COL6A5: variants seen among roughly 807,000 people sequenced by gnomAD.
COL6A5 encodes the protein collagen alpha-5(VI) chain.
Under a neutral mutation model 65.6 loss-of-function variants are expected in COL6A5, and 48 were observed. The ratio of observed to expected loss-of-function variants is 0.73; its 90% CI spans 0.58 to 0.93. COL6A5 has a LOEUF of 0.93. Ranked by LOEUF, COL6A5 falls within the 40% of genes least tolerant of loss-of-function variation. The pLI, the probability that COL6A5 is intolerant of heterozygous loss-of-function variation, is 0.00. For synonymous variants in COL6A5, 291 were observed against 322.8 expected (o/e 0.90, Z 1.05); for missense variants, 914 against 928.3 (o/e 0.98, Z 0.20).
At chr3:130,395,522 A>G in intron 8 of COL6A5, 57 bp downstream of exon 8, 1 of 1,315,324 alleles carries the variant, frequency 7.6e-7, no homozygotes, top group East Asian at 2.5e-5. Flanking sequence ...TCCATTTCCC[A>G]AGAGTGTCTT....
exon 7 of COL6A5, chr3:130,391,484 C>T (rs1284927181): frequency 6.4e-7 from 1 of 1,551,614 alleles, no homozygotes; most frequent in Non-Finnish European, 8.7e-7. Context: ...TACAGAGGAA[C>T]ATGGCAGCCG....
chr3:130,431,847 CAGT>C, exon 1 of COL6A5: 1 of 1,551,634 alleles, frequency 6.4e-7, no homozygotes, highest in South Asian at 1.2e-5. Flanking sequence ...GTCAAACAGC[CAGT>C]AGGTCATCCA....
chr3:130,414,447 C>T lies in COL6A5; in HGVS notation c.4761+316C>T, dbSNP rs73868770. Among the ~76,000 whole-genome samples the T allele has an allele frequency of 4.4e-3, 676 of 152,148 alleles. 8 individuals carry two copies. The highest frequency in any genetic ancestry group is 0.015 in the African/African-American group (631 of 41,520). On this transcript the variant is annotated intron_variant and NMD_transcript_variant, in intron 22 of 41. Coordinates refer to the COL6A5 transcript ENST00000312481. ...CACCAGGATCAACAAATTGGTTTTC[C>T]ATAGCTGGGGTCCTGCATACACAGG...
intron 7 of COL6A5, 26 bp from the exon 8 acceptor site, chr3:130,394,864 A>C: frequency 6.6e-7 from 1 of 1,516,018 alleles, no homozygotes; most frequent in East Asian, 2.5e-5. Context: ...CATGAGGAAA[A>C]TAATTTATTC....
rs762702014 is a variant in COL6A5 at position 130,397,680 on chromosome 3, A to ATC, written c.3666_3667insTC (p.Gly1223SerfsTer4). ...ACCCCCAGCTGGAATCCTACCTCCC[A>ATC]GGCATCTTAGAAGACATCAGCTCTA... On this transcript the variant is annotated frameshift_variant and NMD_transcript_variant, in exon 9 of 42. Coordinates refer to the COL6A5 transcript ENST00000312481. 1,652 of 1,551,596 alleles carry ATC rather than the reference A, an allele frequency of 1.1e-3. 1 individual carries two copies. Among genetic ancestry groups the ATC allele is most frequent in the Non-Finnish European group, 1.4e-3 (1,579 of 1,147,014 alleles).
intron 7 of COL6A5, among the ~76,000 whole-genome samples, chr3:130,482,185 C>T (rs902213266): frequency 6.6e-6 from 1 of 152,146 alleles, no homozygotes; most frequent in Admixed American, 6.5e-5. Context: ...TTAGGTCTTA[C>T]ATTTAAATCT....
intron 8 of COL6A5, among the ~76,000 whole-genome samples, chr3:130,396,102 G>T (rs9859195): frequency 0.088 from 13,422 of 152,212 alleles, 1,202 homozygotes; most frequent in East Asian, 0.33. Context: ...AAACAATGAT[G>T]CATCTCACAG....
At chr3:130,395,034 T>C in exon 8 of COL6A5, 1 of 1,551,596 alleles carries the variant, frequency 6.4e-7, no homozygotes, top group Non-Finnish European at 8.7e-7. Context: ...AAAATTGGTA[T>C]GGCTCAATTT....
At chr3:130,451,491 G>A (rs547260759) in intron 4 of COL6A5, among the ~76,000 whole-genome samples, 20 of 152,178 alleles carry the variant, frequency 1.3e-4, no homozygotes, top group Admixed American at 5.2e-4. Flanking sequence ...GAACCGAAAC[G>A]ACAGAAGGGT....
At chr3:130,476,985 C>A in intron 7 of COL6A5, 1 of 947,544 alleles carries the variant, frequency 1.1e-6, no homozygotes, top group Non-Finnish European at 1.6e-6. Flanking sequence ...TTCTTGCACT[C>A]ATGAAAGCTT....
chr3:130,391,885 T>C, intron 7 of COL6A5, 131 bp downstream of exon 7: 1 of 733,682 alleles, frequency 1.4e-6, no homozygotes, highest in Non-Finnish European at 2.2e-6. Flanking sequence ...GCTATCAGTT[T>C]TCTCATCTCT....
chr3:130,364,939 C>T (rs926784528), intron 1 of COL6A5, among the ~76,000 whole-genome samples: 29 of 152,330 alleles, frequency 1.9e-4, no homozygotes, highest in African/African-American at 6.5e-4. Context: ...TTGACTGAGA[C>T]ACCTGAAAAG....
chr3:130,418,905 G>A (rs1474528874), exon 25 of COL6A5: 8 of 1,550,676 alleles, frequency 5.2e-6, no homozygotes, highest in Non-Finnish European at 7.0e-6. Context: ...AGGGCCAGTG[G>A]GGCAAACTGG....
intron 12 of COL6A5, among the ~76,000 whole-genome samples, 161 bp from the exon 13 acceptor site, chr3:130,403,448 A>G (rs1334793415): frequency 6.6e-6 from 1 of 152,196 alleles, no homozygotes; most frequent in Non-Finnish European, 1.5e-5. Flanking sequence ...GACAAAAGCT[A>G]GCTCCAGATG....
chr3:130,394,912 C>T (rs541531354), exon 8 of COL6A5: 108 of 1,550,614 alleles, frequency 7.0e-5, no homozygotes, highest in South Asian at 1.1e-4. Flanking sequence ...AGGAAGCTGA[C>T]GTGATTTTCC....
chr3:130,419,336 C>G (rs1937458052), intron 25 of COL6A5, among the ~76,000 whole-genome samples: 1 of 152,160 alleles, frequency 6.6e-6, no homozygotes, highest in Admixed American at 6.6e-5. Flanking sequence ...TATGCCTGCA[C>G]TCTGTCCTAA....
Position 130,416,621 on chromosome 3 carries a change from C to T in COL6A5, c.4825-136C>T, listed in dbSNP as rs1577487403. On this transcript the variant is annotated intron_variant and NMD_transcript_variant, in intron 23 of 41. Coordinates refer to the COL6A5 transcript ENST00000312481. ...CAGCTCTGCCATCTGCTTCTCTCCTCCTGGGTGGCTGGATCTTTTGTTAAG... is the reference window on the plus strand; with the variant it reads ...CAGCTCTGCCATCTGCTTCTCTCCTTCTGGGTGGCTGGATCTTTTGTTAAG... The T allele has an allele frequency of 2.3e-5, 15 of 652,220 alleles. No homozygotes were observed. The South Asian group carries it at 2.7e-4, about 12-fold the overall frequency. 40.4% of individuals were successfully genotyped at this position (652,220 alleles called of 1,614,324 possible).
At chr3:130,403,685 C>A in intron 13 of COL6A5, 23 bp downstream of exon 13, 1 of 1,538,630 alleles carries the variant, frequency 6.5e-7, no homozygotes, top group Non-Finnish European at 8.8e-7. Flanking sequence ...TACTCCCCCT[C>A]ACCCCCTGTT....
At chr3:130,399,676 A>C (rs1936747188) in intron 10 of COL6A5, among the ~76,000 whole-genome samples, 1 of 150,190 alleles carries the variant, frequency 6.7e-6, no homozygotes, top group Non-Finnish European at 1.5e-5. Context: ...TGGCCAACTC[A>C]TTTCTTATAT....
Sources: gnomAD v4.1 joint callset for allele counts (sites outside exome capture counted in the v4.1 genomes callset) on GRCh38, gnomAD v4.1.1 for gene constraint, MANE v1.5 for transcripts, NCBI Gene and HGNC (gene_info 2026-07-23, HGNC 2026-07-21) for gene names.